Variants in GABRB1 observed in about 807,000 individuals in gnomAD.
GABRB1 encodes gamma-aminobutyric acid receptor subunit beta-1.
Under a neutral mutation model 51.6 loss-of-function variants are expected in GABRB1, and 17 were observed. That is an observed-to-expected ratio of 0.33 (90% confidence interval 0.23 to 0.49). The LOEUF is 0.49. Among genes scored for constraint, GABRB1 ranks in the 20% least tolerant of loss-of-function variants. The probability of loss-of-function intolerance (pLI) is 0.99; values close to 1 mark genes in which losing one functional copy is unlikely to be tolerated. For missense variants in GABRB1, 410 were observed against 600.6 expected (o/e 0.68, Z 3.32); for synonymous variants, 247 against 218.9 (o/e 1.13, Z -1.14).
chr4:47,311,272 C>T (rs1724667902), intron 4 of GABRB1, among the ~76,000 whole-genome samples: 1 of 121,038 alleles, frequency 8.3e-6, no homozygotes, highest in African/African-American at 3.2e-5. Flanking sequence ...AAATACCAAG[C>T]GTGGTGTTTC....
intron 5 of GABRB1, among the ~76,000 whole-genome samples, chr4:47,366,639 A>AAT (rs1457328521): frequency 6.6e-6 from 1 of 151,932 alleles, no homozygotes; most frequent in Non-Finnish European, 1.5e-5. Flanking sequence ...ATAAAAAAAA[A>AAT]AATCTCAACA....
At chr4:47,418,978 C>CA (rs1461566334) in intron 8 of GABRB1, among the ~76,000 whole-genome samples, 1 of 152,152 alleles carries the variant, frequency 6.6e-6, no homozygotes, top group Non-Finnish European at 1.5e-5. Context: ...AAAATATGCA[C>CA]AAAATCACAA....
intron 5 of GABRB1, among the ~76,000 whole-genome samples, chr4:47,378,323 C>T (rs564476424): frequency 1.3e-5 from 2 of 152,340 alleles, no homozygotes; most frequent in East Asian, 1.9e-4. Context: ...CCTGGCGCGC[C>T]GGCAGGGCCG....
At chr4:47,369,947 T>C (rs1441234371) in intron 5 of GABRB1, among the ~76,000 whole-genome samples, 1 of 152,186 alleles carries the variant, frequency 6.6e-6, no homozygotes, top group Admixed American at 6.5e-5. Flanking sequence ...GTCTTCCTTT[T>C]TACTGTATTT....
At chr4:47,363,351 C>T (rs1236259165) in intron 5 of GABRB1, among the ~76,000 whole-genome samples, 1 of 152,090 alleles carries the variant, frequency 6.6e-6, no homozygotes, top group East Asian at 1.9e-4. Flanking sequence ...ATACCATGGA[C>T]CATGACTTAA....
intron 5 of GABRB1, among the ~76,000 whole-genome samples, chr4:47,332,456 C>A (rs1448109426): frequency 2.0e-5 from 3 of 152,176 alleles, no homozygotes; most frequent in Non-Finnish European, 4.4e-5. Context: ...TTTCTATGAA[C>A]AACATCCACA....
intron 3 of GABRB1, among the ~76,000 whole-genome samples, chr4:47,058,495 C>G (rs1726712450): frequency 6.6e-6 from 1 of 152,164 alleles, no homozygotes; most frequent in South Asian, 2.1e-4. Context: ...AGGTATGTCA[C>G]TAGAGGGACT....
chr4:47,064,802 A>G (rs999721329), intron 3 of GABRB1, among the ~76,000 whole-genome samples: 2 of 152,194 alleles, frequency 1.3e-5, no homozygotes, highest in African/African-American at 4.8e-5. Context: ...TGCATCCTCA[A>G]AGTCTAGAAC....
intron 3 of GABRB1, among the ~76,000 whole-genome samples, chr4:47,125,559 C>CTTTCT (rs1685733217): frequency 1.2e-5 from 1 of 80,696 alleles, no homozygotes; most frequent in African/African-American, 3.9e-5. Context: ...AGTATAATTT[C>CTTTCT]TTTTTTTTTT....
intron 4 of GABRB1, among the ~76,000 whole-genome samples, chr4:47,235,826 A>G (rs1721312029): frequency 6.6e-6 from 1 of 152,154 alleles, no homozygotes; most frequent in South Asian, 2.1e-4. Flanking sequence ...AAATTGGTTT[A>G]CAATAGTCTC....
chr4:47,267,303 A>G (rs972157441), intron 4 of GABRB1, among the ~76,000 whole-genome samples: 1 of 152,124 alleles, frequency 6.6e-6, no homozygotes, highest in Non-Finnish European at 1.5e-5. Flanking sequence ...AACAACAAAA[A>G]AGAGTTCTTG....
At chr4:47,034,742 A>AGTAGCATTGTGTATCATTGTGT (rs1725477950) in intron 3 of GABRB1, among the ~76,000 whole-genome samples, 1 of 152,200 alleles carries the variant, frequency 6.6e-6, no homozygotes, top group Admixed American at 6.5e-5. Flanking sequence ...AAATGGAAAT[A>AGTAGCATTGTGTATCATTGTGT]AAGAGTAATG....
intron 4 of GABRB1, among the ~76,000 whole-genome samples, chr4:47,278,743 G>A (rs1723172221): frequency 6.6e-6 from 1 of 152,064 alleles, no homozygotes; most frequent in African/African-American, 2.4e-5. Context: ...CATGATAAAT[G>A]CTCACAAAAG....
chr4:47,333,233 TATACA>T (rs1481251490), intron 5 of GABRB1, among the ~76,000 whole-genome samples: 2 of 23,760 alleles, frequency 8.4e-5, no homozygotes, highest in African/African-American at 3.9e-4. Flanking sequence ...TATATATATA[TATACA>T]CACCACGTAT....
At chr4:47,051,974 CAA>C (rs1400219444) in intron 3 of GABRB1, among the ~76,000 whole-genome samples, 4 of 151,924 alleles carry the variant, frequency 2.6e-5, no homozygotes, top group Non-Finnish European at 4.4e-5. Flanking sequence ...ACTAAAAATA[CAA>C]AAGTCAGCCG....
At chr4:47,408,562 C>T (rs183488956) in intron 8 of GABRB1, among the ~76,000 whole-genome samples, 275 of 152,254 alleles carry the variant, frequency 1.8e-3, no homozygotes, top group Admixed American at 4.8e-3. Context: ...CTATGTTCAG[C>T]GCTATGGGGA....
At chr4:47,227,809 T>C (rs995164772) in intron 4 of GABRB1, among the ~76,000 whole-genome samples, 6 of 152,110 alleles carry the variant, frequency 3.9e-5, no homozygotes, top group African/African-American at 1.4e-4. Context: ...AGGTTTGGTT[T>C]CTCCTGAGGA....
chr4:47,093,024 A>C (rs1338689686), intron 3 of GABRB1, among the ~76,000 whole-genome samples: 1 of 152,250 alleles, frequency 6.6e-6, no homozygotes, highest in South Asian at 2.1e-4. Context: ...TATCATTGTC[A>C]TATAACTTCT....
At chr4:47,233,260 A>T (rs1018229302) in intron 4 of GABRB1, among the ~76,000 whole-genome samples, 1 of 152,098 alleles carries the variant, frequency 6.6e-6, no homozygotes, top group South Asian at 2.1e-4. Context: ...CTGCTAAAAG[A>T]GTTACTTTTC....
Sources: gnomAD v4.1 joint callset for allele counts (sites outside exome capture counted in the v4.1 genomes callset) on GRCh38, gnomAD v4.1.1 for gene constraint, MANE v1.5 for transcripts, NCBI Gene and HGNC (gene_info 2026-07-23, HGNC 2026-07-21) for gene names.